The following ERBB4 variants were observed in gnomAD, a reference collection of about 807,000 sequenced individuals.
The protein encoded by ERBB4 is erb-b2 receptor tyrosine kinase 4.
Under a neutral mutation model 158.0 loss-of-function variants are expected in ERBB4, and 42 were observed. That is an observed-to-expected ratio of 0.27 (90% CI 0.21 to 0.34). The LOEUF (loss-of-function observed/expected upper bound fraction) is 0.34, where lower values mean the gene tolerates loss of function less well. Among genes scored for constraint, ERBB4 ranks in the 10% least tolerant of loss-of-function variants. The pLI, the probability that ERBB4 is intolerant of heterozygous loss-of-function variation, is 1.00. For missense variants in ERBB4, 1,333 were observed against 1,624.1 expected (o/e 0.82, Z 3.08); for synonymous variants, 583 against 558.7 (o/e 1.04, Z -0.61).
chr2:211,446,189 A>G (rs1198934851), intron 20 of ERBB4, among the ~76,000 whole-genome samples: 1 of 152,180 alleles, frequency 6.6e-6, no homozygotes, highest in East Asian at 1.9e-4. Context: ...CCAGCACAGC[A>G]GGTGTCCATG....
At chr2:212,516,531 T>A (rs931258410) in intron 1 of ERBB4, among the ~76,000 whole-genome samples, 1 of 152,074 alleles carries the variant, frequency 6.6e-6, no homozygotes, top group South Asian at 2.1e-4. Context: ...CTGGAAAAGA[T>A]GATCATATAA....
Position 212,019,197 on chromosome 2 carries a change from A to G in ERBB4, c.235-71581T>C, listed in dbSNP as rs899292480. Among the ~76,000 whole-genome samples, 7 of 152,136 alleles carry G rather than the reference A, an allele frequency of 4.6e-5. No homozygotes were observed. In the East Asian group the frequency reaches 9.6e-4, roughly 21 times the overall value. ...CAGGTTTCTTTACAAAAATAATGCA[A>G]TTTCTTTCAGGAAGGTCTTAGAAAA... On this transcript the variant is annotated intron_variant, in intron 2 of 27. Transcript: ENST00000342788.
chr2:212,477,978 T>C lies in ERBB4; in HGVS notation c.82+60471A>G, dbSNP rs78369663. Reference sequence around the variant, plus strand: ...AGCCTTCATCCTAGAAATAATCTTATTGGGCTGTGTCATTCATTTTGTCTT... The same window carrying C: ...AGCCTTCATCCTAGAAATAATCTTACTGGGCTGTGTCATTCATTTTGTCTT... On this transcript the variant is annotated intron_variant, in intron 1 of 27. Transcript: ENST00000342788. Among the ~76,000 whole-genome samples, 530 of 152,262 alleles carry C rather than the reference T, an allele frequency of 3.5e-3. 4 individuals carry two copies. Among genetic ancestry groups the C allele is most frequent in the African/African-American group, 0.012 (494 of 41,570 alleles).
chr2:211,754,849 C>T (rs1318609639), intron 4 of ERBB4, among the ~76,000 whole-genome samples: 2 of 151,750 alleles, frequency 1.3e-5, no homozygotes, highest in African/African-American at 2.4e-5. Context: ...TATAGAAATG[C>T]ACCACCACAC....
At chr2:211,421,790 C>T (rs1200244518) in intron 24 of ERBB4, among the ~76,000 whole-genome samples, 1 of 151,870 alleles carries the variant, frequency 6.6e-6, no homozygotes, top group East Asian at 1.9e-4. Flanking sequence ...ATTATCTGTT[C>T]AGTAGCAGAG....
At chr2:212,405,853 G>A (rs1047162151) in intron 1 of ERBB4, among the ~76,000 whole-genome samples, 2 of 152,046 alleles carry the variant, frequency 1.3e-5, no homozygotes, top group Non-Finnish European at 2.9e-5. Context: ...GAAAATTGAT[G>A]AATTTGAATA....
chr2:212,151,755 G>A (rs375836378), intron 1 of ERBB4, among the ~76,000 whole-genome samples: 94 of 152,186 alleles, frequency 6.2e-4, no homozygotes, highest in African/African-American at 2.0e-3. Context: ...TGGGCATGGT[G>A]GCACATGCTG....
chr2:212,183,054 T>G (rs1366494962), intron 1 of ERBB4, among the ~76,000 whole-genome samples: 3 of 151,806 alleles, frequency 2.0e-5, no homozygotes. Context: ...CAATTTAGAA[T>G]CTGCTATAAA....
chr2:212,321,446 G>A (rs934486691), intron 1 of ERBB4, among the ~76,000 whole-genome samples: 3 of 150,516 alleles, frequency 2.0e-5, no homozygotes, highest in Non-Finnish European at 3.0e-5. Context: ...GGCATAGTGC[G>A]TCATGCCTAT....
chr2:211,457,166 C>T (rs1370373253), intron 20 of ERBB4, among the ~76,000 whole-genome samples: 1 of 152,074 alleles, frequency 6.6e-6, no homozygotes, highest in Non-Finnish European at 1.5e-5. Context: ...CACACTATAC[C>T]ATGTGAAAAG....
intron 1 of ERBB4, among the ~76,000 whole-genome samples, chr2:212,449,233 G>A (rs1219960140): frequency 1.3e-5 from 2 of 152,102 alleles, no homozygotes; most frequent in African/African-American, 4.8e-5. Flanking sequence ...TCTTAGAAAT[G>A]TATTTCCAGT....
chr2:212,028,800 T>G (rs1286991875), intron 2 of ERBB4, among the ~76,000 whole-genome samples: 2 of 152,120 alleles, frequency 1.3e-5, no homozygotes, highest in African/African-American at 4.8e-5. Flanking sequence ...CATTTTTATA[T>G]GGAGCCTAGT....
intron 2 of ERBB4, among the ~76,000 whole-genome samples, chr2:211,964,081 G>A (rs181229377): frequency 5.9e-4 from 90 of 152,204 alleles, no homozygotes; most frequent in Non-Finnish European, 1.1e-3. Flanking sequence ...TCTCTCTCCT[G>A]AGTCAACTTC....
chr2:211,443,617 C>CTGTT (rs2064038771), intron 20 of ERBB4, among the ~76,000 whole-genome samples: 1 of 151,970 alleles, frequency 6.6e-6, no homozygotes, highest in South Asian at 2.1e-4. Context: ...TAACCCATTC[C>CTGTT]TGTTTATCAT....
At chr2:211,950,018 A>T (rs968377296) in intron 2 of ERBB4, among the ~76,000 whole-genome samples, 4 of 152,134 alleles carry the variant, frequency 2.6e-5, no homozygotes, top group Non-Finnish European at 5.9e-5. Flanking sequence ...TAAGAAACCA[A>T]CAAGTATCAC....
intron 2 of ERBB4, among the ~76,000 whole-genome samples, chr2:212,013,057 C>T (rs12476274): frequency 6.7e-6 from 1 of 149,610 alleles, no homozygotes; most frequent in Non-Finnish European, 1.5e-5. Flanking sequence ...GAAATACTTT[C>T]CTTTTTTTTT....
chr2:211,512,924 G>C (rs2065917394), intron 20 of ERBB4, among the ~76,000 whole-genome samples: 1 of 152,136 alleles, frequency 6.6e-6, no homozygotes, highest in Non-Finnish European at 1.5e-5. Context: ...ATGTCGGGTA[G>C]AAATTAATCA....
intron 3 of ERBB4, among the ~76,000 whole-genome samples, chr2:211,881,760 C>A (rs539096731): frequency 2.0e-5 from 3 of 152,270 alleles, no homozygotes; most frequent in African/African-American, 7.2e-5. Flanking sequence ...GGACCCCTCT[C>A]TGTAGCAGAG....
At chr2:211,999,155 T>C (rs1352552498) in intron 2 of ERBB4, among the ~76,000 whole-genome samples, 2 of 151,874 alleles carry the variant, frequency 1.3e-5, no homozygotes, top group African/African-American at 4.8e-5. Flanking sequence ...CTTTAATAAA[T>C]AGGAAAATTA....
Sources: gnomAD v4.1 joint callset for allele counts (sites outside exome capture counted in the v4.1 genomes callset) on GRCh38, gnomAD v4.1.1 for gene constraint, MANE v1.5 for transcripts, NCBI Gene and HGNC (gene_info 2026-07-23, HGNC 2026-07-21) for gene names.